COL5A2: variants seen among roughly 807,000 people sequenced by gnomAD.
The protein encoded by COL5A2 is collagen alpha-2(V) chain.
COL5A2 carries 23 observed loss-of-function variants against 208.2 expected under a neutral mutation model. The ratio of observed to expected loss-of-function variants is 0.11; its 90% CI spans 0.08 to 0.16. The LOEUF is 0.16. COL5A2 is among the 10% of genes least tolerant of loss of function. The pLI is 1.00. For missense variants in COL5A2, 1,590 were observed against 1,956.4 expected (o/e 0.81, Z 3.53); for synonymous variants, 625 against 628.5 (o/e 0.99, Z 0.08).
intron 1 of COL5A2, among the ~76,000 whole-genome samples, chr2:189,136,437 G>T (rs1687827457): frequency 6.7e-6 from 1 of 149,946 alleles, no homozygotes; most frequent in East Asian, 1.9e-4. Flanking sequence ...TTTTACACAG[G>T]TGTGGTTACA....
At chr2:189,149,742 G>A (rs17270973) in intron 1 of COL5A2, among the ~76,000 whole-genome samples, 22,166 of 152,090 alleles carry the variant, frequency 0.15, 1,937 homozygotes, top group Non-Finnish European at 0.2. Flanking sequence ...ATTTTCCTAA[G>A]TGTTTAGTGG....
At chr2:189,425,594 T>A in the COL5A2 span, among the ~76,000 whole-genome samples, 1 of 152,128 alleles carries the variant, frequency 6.6e-6, no homozygotes, top group Non-Finnish European at 1.5e-5. Flanking sequence ...ATAAAACAGG[T>A]GCAGAAAGAC....
rs371772341 is a variant in COL5A2 at position 189,207,701 on chromosome 2, A to T, written c.-42+17447T>A. ...CTCCATTTTCACTACCTCATTCTTCACTCTACTCCACTTAGCAGAGCAATC... is the reference window on the plus strand; with the variant it reads ...CTCCATTTTCACTACCTCATTCTTCTCTCTACTCCACTTAGCAGAGCAATC... On this transcript the variant is annotated intron_variant, in intron 1 of 10. Transcript: ENST00000649966. Among the ~76,000 whole-genome samples the T allele has an allele frequency of 1.0e-3, 154 of 152,078 alleles. 3 individuals are homozygous for T. The highest frequency in any genetic ancestry group is 8.1e-3 in the South Asian group (39 of 4,816).
At chr2:189,102,726 C>T (rs1687071330) in intron 3 of COL5A2, among the ~76,000 whole-genome samples, 1 of 152,034 alleles carries the variant, frequency 6.6e-6, no homozygotes, top group African/African-American at 2.4e-5. Flanking sequence ...AAAAAAGGTT[C>T]AGTAATTATG....
chr2:189,069,517 T>A (rs965574380), intron 18 of COL5A2, among the ~76,000 whole-genome samples: 6 of 151,996 alleles, frequency 3.9e-5, no homozygotes, highest in South Asian at 2.1e-4. Flanking sequence ...CTTAAAGAGG[T>A]TGTTTCTGTT....
chr2:189,376,353 A>G, the COL5A2 span, among the ~76,000 whole-genome samples: 3 of 152,164 alleles, frequency 2.0e-5, no homozygotes, highest in Admixed American at 1.3e-4. Flanking sequence ...ATTTAAGTAG[A>G]TGGGGCCAGA....
At chr2:189,333,639 T>C in the COL5A2 span, among the ~76,000 whole-genome samples, 8 of 152,084 alleles carry the variant, frequency 5.3e-5, no homozygotes, top group Admixed American at 1.3e-4. Context: ...TTTAGTATGA[T>C]GCCATTAAGT....
At chr2:189,315,157 T>C in the COL5A2 span, among the ~76,000 whole-genome samples, 1 of 152,118 alleles carries the variant, frequency 6.6e-6, no homozygotes, top group African/African-American at 2.4e-5. Context: ...TGATGAACAC[T>C]GATGCAAAAA....
the COL5A2 span, among the ~76,000 whole-genome samples, chr2:189,325,321 A>T: frequency 0.049 from 5,478 of 111,086 alleles, 116 homozygotes; most frequent in Admixed American, 0.066. Flanking sequence ...ATAATAAAAA[A>T]AAATATATAT....
chr2:189,322,708 C>T, the COL5A2 span, among the ~76,000 whole-genome samples: 1 of 152,142 alleles, frequency 6.6e-6, no homozygotes, highest in Non-Finnish European at 1.5e-5. Flanking sequence ...CAAAAAACGT[C>T]CAGGACCAGA....
rs760388119 is a variant in COL5A2, at chr2:189,034,027, G to A, written c.*43C>T. On this transcript the variant is annotated 3_prime_UTR_variant, in exon 54 of 54. Transcript: ENST00000374866. ...GTCAAAGTTCTTGTGAATGGCGGTG[G>A]TCATTGATGGTGGTGCTCATTGTCG... The A allele has an allele frequency of 6.2e-7, 1 of 1,613,158 alleles. No homozygotes were observed. Among genetic ancestry groups the A allele is most frequent in the Non-Finnish European group, 8.5e-7 (1 of 1,179,470 alleles).
chr2:189,386,584 G>A, the COL5A2 span, among the ~76,000 whole-genome samples: 2 of 152,080 alleles, frequency 1.3e-5, no homozygotes, highest in African/African-American at 4.8e-5. Flanking sequence ...CTGTAAGTCT[G>A]ACAAAGGTCT....
intron 30 of COL5A2, 112 bp from the exon 31 acceptor site, chr2:189,060,895 T>G: frequency 2.7e-6 from 2 of 744,340 alleles, no homozygotes; most frequent in Non-Finnish European, 4.8e-6. Flanking sequence ...ATATTTTCAA[T>G]GAAAATATAT....
exon 1 of COL5A2, among the ~76,000 whole-genome samples, chr2:189,225,168 C>T (rs1447178788): frequency 1.3e-5 from 2 of 152,136 alleles, no homozygotes; most frequent in Non-Finnish European, 2.9e-5. Flanking sequence ...TCGATGTTGA[C>T]TCTCAGCAGT....
the COL5A2 span, among the ~76,000 whole-genome samples, chr2:189,262,271 T>C: frequency 6.6e-6 from 1 of 152,186 alleles, no homozygotes; most frequent in South Asian, 2.1e-4. Context: ...ACACCACCTG[T>C]CCAAACCCTA....
At chr2:189,224,385 A>G (rs931783742) in intron 1 of COL5A2, among the ~76,000 whole-genome samples, 7 of 152,064 alleles carry the variant, frequency 4.6e-5, no homozygotes, top group African/African-American at 1.7e-4. Context: ...AGAGGAAACT[A>G]TTTTTTAAAA....
intron 42 of COL5A2, 95 bp downstream of exon 42, chr2:189,051,225 T>A (rs746990949): frequency 3.3e-6 from 5 of 1,520,678 alleles, no homozygotes; most frequent in Non-Finnish European, 4.6e-6. Context: ...GTGCCCAGCA[T>A]AATATTTAAG....
At chr2:189,132,191 C>T (rs182608030) in intron 1 of COL5A2, among the ~76,000 whole-genome samples, 3 of 152,274 alleles carry the variant, frequency 2.0e-5, no homozygotes, top group Admixed American at 6.5e-5. Flanking sequence ...TTTTATGATA[C>T]GTAATCATGG....
chr2:189,301,046 T>G, the COL5A2 span, among the ~76,000 whole-genome samples: 2 of 151,896 alleles, frequency 1.3e-5, no homozygotes, highest in Non-Finnish European at 2.9e-5. Flanking sequence ...AATTAGCCAG[T>G]GATGGTGGCA....
Sources: gnomAD v4.1 joint callset for allele counts (sites outside exome capture counted in the v4.1 genomes callset) on GRCh38, gnomAD v4.1.1 for gene constraint, MANE v1.5 for transcripts, NCBI Gene and HGNC (gene_info 2026-07-23, HGNC 2026-07-21) for gene names.